The following MMRN1 variants were observed in gnomAD, a reference collection of about 807,000 sequenced individuals.
MMRN1 encodes multimerin 1, also known as multimerin-1.
Under a neutral mutation model 100.7 loss-of-function variants are expected in MMRN1, and 94 were observed. That is an observed-to-expected ratio of 0.93 (90% CI 0.79 to 1.11). The LOEUF is 1.11. MMRN1 is among the 50% of genes least tolerant of loss of function. The probability of loss-of-function intolerance (pLI) is 0.00; values close to 1 mark genes in which losing one functional copy is unlikely to be tolerated. For missense variants in MMRN1, 1,606 were observed against 1,439.1 expected, an observed-to-expected ratio of 1.12 and a Z score of -1.88; for synonymous variants, 575 against 505.0, an observed-to-expected ratio of 1.14 and a Z score of -1.86.
intron 2 of MMRN1, among the ~76,000 whole-genome samples, chr4:89,910,386 C>G (rs1241660730): frequency 1.3e-5 from 2 of 151,402 alleles, no homozygotes; most frequent in East Asian, 3.9e-4. Context: ...AAGGTGAGCT[C>G]TTTTTATTTT....
At chr4:89,944,682 T>C (rs1722933622) in intron 6 of MMRN1, among the ~76,000 whole-genome samples, 1 of 152,002 alleles carries the variant, frequency 6.6e-6, no homozygotes, top group South Asian at 2.1e-4. Flanking sequence ...ATTAGAAAAG[T>C]TAATGGGGAT....
intron 1 of MMRN1, among the ~76,000 whole-genome samples, chr4:89,884,059 T>A (rs1720878907): frequency 6.6e-6 from 1 of 152,146 alleles, no homozygotes; most frequent in Non-Finnish European, 1.5e-5. Flanking sequence ...TGGACTATTT[T>A]GTCCCGGTGC....
chr4:89,936,793 A>G lies in MMRN1; in HGVS notation c.3113A>G (p.Tyr1038Cys). 1 of 1,583,338 alleles carries G rather than the reference A, an allele frequency of 6.3e-7. No homozygotes were observed. Among genetic ancestry groups the G allele is most frequent in the Non-Finnish European group, 8.5e-7 (1 of 1,169,676 alleles). ...RTQRNTDNII[Y>C]PEEYSSCSRH... Reference sequence around the variant, plus strand: ...CAAAGAAACACGGACAACATAATATATCCTGGTAAGCTGTTACTGAAAAGT... The same window carrying G: ...CAAAGAAACACGGACAACATAATATGTCCTGGTAAGCTGTTACTGAAAAGT... Residue 1038 changes from tyrosine (Y) to cysteine (C), a missense_variant, in exon 6 of 8, where the codon TAT becomes TGT. By Grantham distance (194) the Tyr-to-Cys change is radical. Coordinates refer to ENST00000264790, the MANE Select transcript of MMRN1 (RefSeq NM_007351.3).
chr4:89,921,747 A>T (rs1463767856), intron 3 of MMRN1, among the ~76,000 whole-genome samples: 1 of 152,226 alleles, frequency 6.6e-6, no homozygotes, highest in Non-Finnish European at 1.5e-5. Flanking sequence ...ACATGAATGG[A>T]AATTCATTAA....
At chr4:89,917,670 A>G (rs545264052) in intron 3 of MMRN1, among the ~76,000 whole-genome samples, 1 of 151,990 alleles carries the variant, frequency 6.6e-6, no homozygotes, top group East Asian at 1.9e-4. Context: ...GATACCAGCT[A>G]AATGATGTCC....
At position 89,899,942 on chromosome 4, in the gene MMRN1, G is replaced by A. The variant is rs377377091; in HGVS notation, c.623+4348G>A. Among the ~76,000 whole-genome samples the A allele has an allele frequency of 1.5e-3, 232 of 152,052 alleles. 1 individual carries two copies. Among genetic ancestry groups the A allele is most frequent in the African/African-American group, 5.4e-3 (223 of 41,502 alleles). ...AGGGAGGGATCTTTTGAACATTTAA[G>A]TCAGATTAATGCATTTCACTGGATT... On this transcript the variant is annotated intron_variant, in intron 1 of 7. Coordinates refer to ENST00000264790, the MANE Select transcript of MMRN1 (RefSeq NM_007351.3).
At chr4:89,893,693 C>T (rs1721105691), upstream of MMRN1, among the ~76,000 whole-genome samples, 1 of 152,038 alleles carries the variant, frequency 6.6e-6, no homozygotes, top group Admixed American at 6.6e-5. Context: ...AAATTGACAG[C>T]AAAGAATATT....
upstream of MMRN1, among the ~76,000 whole-genome samples, chr4:89,892,316 C>G (rs938197733): frequency 1.3e-5 from 2 of 150,432 alleles, no homozygotes; most frequent in Non-Finnish European, 3.0e-5. Context: ...AGCAAAATGA[C>G]AGGGTCCAGT....
At chr4:89,898,277 T>A (rs1721272578) in intron 1 of MMRN1, among the ~76,000 whole-genome samples, 1 of 152,146 alleles carries the variant, frequency 6.6e-6, no homozygotes, top group Admixed American at 6.6e-5. Context: ...TTCACTCATT[T>A]AATCATTACT....
intron 3 of MMRN1, 29 bp from the exon 4 acceptor site, chr4:89,923,139 G>C (rs1478196145): frequency 1.3e-6 from 2 of 1,583,788 alleles, no homozygotes; most frequent in South Asian, 1.1e-5. Context: ...GTGCTTAACT[G>C]TCTCTCTTCT....
chr4:89,908,598 T>C lies in MMRN1; in HGVS notation c.624-678T>C, dbSNP rs140908482. On this transcript the variant is annotated intron_variant, in intron 1 of 7. Transcript: ENST00000264790. The stretch of plus-strand genomic sequence containing the variant: ...AACACTTCTTTTGCTGAATTTATTC[T>C]TAGGTACATTATTCTTGTTGTTATT... Among the ~76,000 whole-genome samples the C allele has an allele frequency of 2.2e-4, 33 of 151,624 alleles. No individual in the cohort carries two copies. The East Asian group carries it at 6.4e-3, about 29-fold the overall frequency.
chr4:89,886,046 AT>A (rs200498389), intron 1 of MMRN1, among the ~76,000 whole-genome samples: 12,652 of 135,366 alleles, frequency 0.093, 467 homozygotes, highest in African/African-American at 0.16. Context: ...TGCCTGGCTA[AT>A]TTTTTTTTTT....
intron 5 of MMRN1, among the ~76,000 whole-genome samples, chr4:89,928,979 A>G (rs1722351038): frequency 6.6e-6 from 1 of 152,148 alleles, no homozygotes; most frequent in Admixed American, 6.6e-5. Context: ...AGTGTTATAC[A>G]CAGGATACAA....
upstream of MMRN1, among the ~76,000 whole-genome samples, chr4:89,890,753 T>C (rs1241340412): frequency 3.3e-5 from 5 of 152,108 alleles, no homozygotes; most frequent in African/African-American, 1.2e-4. Flanking sequence ...AAATCAGCAA[T>C]GACATGGTTT....
intron 4 of MMRN1, among the ~76,000 whole-genome samples, chr4:89,926,787 C>A (rs770454360): frequency 6.6e-5 from 10 of 152,026 alleles, no homozygotes; most frequent in African/African-American, 9.7e-5. Flanking sequence ...AGAGCTAATC[C>A]TTTTTTATTT....
At chr4:89,931,396 G>C (rs1722429825) in intron 5 of MMRN1, among the ~76,000 whole-genome samples, 1 of 151,868 alleles carries the variant, frequency 6.6e-6, no homozygotes. Context: ...TTTAATCCTA[G>C]GATGATCTTT....
At chr4:89,885,394 A>T (rs886924159) in intron 1 of MMRN1, among the ~76,000 whole-genome samples, 1 of 151,798 alleles carries the variant, frequency 6.6e-6, no homozygotes, top group African/African-American at 2.4e-5. Flanking sequence ...TTTTCTTGAA[A>T]TTTTTTTTGT....
At chr4:89,893,057 C>G (rs1444337494), upstream of MMRN1, among the ~76,000 whole-genome samples, 1 of 151,974 alleles carries the variant, frequency 6.6e-6, no homozygotes. Flanking sequence ...TCTGTGTTTT[C>G]CAGATAAAGA....
intron 7 of MMRN1, among the ~76,000 whole-genome samples, chr4:89,952,345 G>C (rs1041323602): frequency 2.3e-4 from 35 of 152,182 alleles, no homozygotes; most frequent in Admixed American, 7.8e-4. Flanking sequence ...ATACAGAAAT[G>C]TATGTGCAGC....
Sources: allele counts gnomAD v4.1 joint callset (sites outside exome capture counted in the v4.1 genomes callset), GRCh38; gene constraint gnomAD v4.1.1; transcripts MANE v1.5; gene names NCBI Gene and HGNC (gene_info 2026-07-23, HGNC 2026-07-21).